CCSER1: variants seen among roughly 807,000 people sequenced by gnomAD.
CCSER1 encodes serine-rich coiled-coil domain-containing protein 1.
A neutral mutation model predicts 82.0 loss-of-function variants in CCSER1; 41 were observed. The ratio of observed to expected loss-of-function variants is 0.50; its 90% confidence interval spans 0.39 to 0.65. The LOEUF (loss-of-function observed/expected upper bound fraction) is 0.65, where lower values mean the gene tolerates loss of function less well. Ranked by LOEUF, CCSER1 falls within the 30% of genes least tolerant of loss-of-function variation. The pLI is 0.00. For missense variants in CCSER1, 1,119 were observed against 1,064.2 expected (o/e 1.05, Z -0.72); for synonymous variants, 414 against 383.9 (o/e 1.08, Z -0.92).
chr4:91,337,421 A>C (rs1474152296), intron 10 of CCSER1, among the ~76,000 whole-genome samples: 2 of 152,130 alleles, frequency 1.3e-5, no homozygotes, highest in Non-Finnish European at 2.9e-5. Flanking sequence ...AGTTAATCTA[A>C]ATTGGAATAC....
intron 5 of CCSER1, among the ~76,000 whole-genome samples, chr4:90,606,303 C>CA (rs1784697614): frequency 6.6e-6 from 1 of 152,100 alleles, no homozygotes; most frequent in Non-Finnish European, 1.5e-5. Flanking sequence ...AGTGTACTTA[C>CA]ACAAACCTAG....
chr4:90,149,816 GA>G (rs1005692783), intron 1 of CCSER1, among the ~76,000 whole-genome samples: 15 of 151,878 alleles, frequency 9.9e-5, no homozygotes, highest in South Asian at 2.1e-4. Context: ...ATTCAGTAAA[GA>G]AAAAAAGAGC....
chr4:91,221,046 T>C (rs796771286), intron 10 of CCSER1, among the ~76,000 whole-genome samples: 69 of 152,290 alleles, frequency 4.5e-4, no homozygotes, highest in Middle Eastern at 6.9e-3. Context: ...GCTACCTTTA[T>C]GATAATTTAG....
chr4:90,845,279 T>C (rs1050990641), intron 8 of CCSER1, among the ~76,000 whole-genome samples: 1 of 146,568 alleles, frequency 6.8e-6, no homozygotes, highest in Non-Finnish European at 1.5e-5. Flanking sequence ...GAAAAATCGC[T>C]AGAACCTGGG....
intron 9 of CCSER1, among the ~76,000 whole-genome samples, chr4:90,983,132 T>G (rs957438909): frequency 1.3e-5 from 2 of 151,780 alleles, no homozygotes; most frequent in African/African-American, 4.8e-5. Flanking sequence ...TCACAACCTT[T>G]TAACAGTTTG....
chr4:91,209,149 C>A (rs1317347692), intron 10 of CCSER1, among the ~76,000 whole-genome samples: 1 of 151,896 alleles, frequency 6.6e-6, no homozygotes, highest in Non-Finnish European at 1.5e-5. Flanking sequence ...AGAATCATGT[C>A]ATCTGCAAAC....
chr4:90,352,055 C>T (rs1021756017), intron 3 of CCSER1, among the ~76,000 whole-genome samples: 2 of 152,134 alleles, frequency 1.3e-5, no homozygotes, highest in African/African-American at 2.4e-5. Context: ...CCGGGCGCAG[C>T]GGCTCACGCC....
chr4:91,534,197 A>G (rs1761181725), intron 10 of CCSER1, among the ~76,000 whole-genome samples: 1 of 151,988 alleles, frequency 6.6e-6, no homozygotes, highest in South Asian at 2.1e-4. Flanking sequence ...GCCTATTTAT[A>G]CCTTTTTCCA....
intron 1 of CCSER1, among the ~76,000 whole-genome samples, chr4:90,156,139 T>G (rs1178035758): frequency 6.6e-6 from 1 of 152,218 alleles, no homozygotes; most frequent in Non-Finnish European, 1.5e-5. Context: ...TACCCAGTAG[T>G]CATTCAGGAG....
intron 8 of CCSER1, chr4:90,838,936 C>A (rs780256546): frequency 2.5e-6 from 4 of 1,613,408 alleles, no homozygotes; most frequent in Non-Finnish European, 3.4e-6. Context: ...CCTGTTCAAT[C>A]GTTTCTTTGG....
chr4:91,066,297 C>T (rs190323913), intron 9 of CCSER1, among the ~76,000 whole-genome samples: 25 of 152,280 alleles, frequency 1.6e-4, no homozygotes, highest in Middle Eastern at 6.8e-3. Context: ...TCAGAAAAAG[C>T]TAATTATCTT....
chr4:90,793,560 A>G (rs895731666), intron 7 of CCSER1, among the ~76,000 whole-genome samples: 8 of 151,514 alleles, frequency 5.3e-5, no homozygotes, highest in Non-Finnish European at 1.2e-4. Context: ...CATTTTTTCT[A>G]TCCAGTCTGC....
intron 10 of CCSER1, among the ~76,000 whole-genome samples, chr4:91,525,331 C>T (rs1760717670): frequency 6.6e-6 from 1 of 151,934 alleles, no homozygotes; most frequent in African/African-American, 2.4e-5. Context: ...ATGTGATTGT[C>T]TGCAATATGA....
intron 9 of CCSER1, among the ~76,000 whole-genome samples, chr4:90,932,926 GAA>G (rs1270142335): frequency 8.3e-5 from 2 of 24,154 alleles, no homozygotes; most frequent in Non-Finnish European, 7.1e-5. Flanking sequence ...AAGAAAGAAA[GAA>G]AGAAAGAAAG....
At position 90,561,602 on chromosome 4, in the gene CCSER1, A is replaced by G. The variant is rs1280683276; in HGVS notation, c.1725-66423A>G. On this transcript the variant is annotated intron_variant, in intron 5 of 10. Coordinates refer to ENST00000509176, the MANE Select transcript of CCSER1 (RefSeq NM_001145065.2). Reference sequence around the variant, plus strand: ...AAGGAGCAATTGATTTTTTTCTCCCATGCGGCTTATTTGTGGCCAAATCCT... The same window carrying G: ...AAGGAGCAATTGATTTTTTTCTCCCGTGCGGCTTATTTGTGGCCAAATCCT... Among the ~76,000 whole-genome samples, 3 of 152,234 alleles carry G rather than the reference A, an allele frequency of 2.0e-5. No individual in the cohort carries two copies. The East Asian group carries it at 5.8e-4, about 29-fold the overall frequency.
intron 10 of CCSER1, among the ~76,000 whole-genome samples, chr4:91,155,904 A>G (rs1483296291): frequency 2.0e-5 from 3 of 151,908 alleles, no homozygotes; most frequent in Middle Eastern, 3.2e-3. Context: ...GTGTTTTATC[A>G]CATCCTTAAA....
intron 10 of CCSER1, among the ~76,000 whole-genome samples, chr4:91,526,331 C>T (rs974986005): frequency 1.3e-5 from 2 of 152,146 alleles, no homozygotes; most frequent in East Asian, 3.9e-4. Flanking sequence ...AAGCTGGAAG[C>T]CCCCTACTTC....
At chr4:90,244,321 T>C (rs1348574988) in intron 1 of CCSER1, among the ~76,000 whole-genome samples, 1 of 152,218 alleles carries the variant, frequency 6.6e-6, no homozygotes, top group Non-Finnish European at 1.5e-5. Flanking sequence ...TTTACCAGTT[T>C]AGAATAAGAA....
chr4:90,811,036 G>A (rs1376280024), intron 7 of CCSER1, among the ~76,000 whole-genome samples: 2 of 151,868 alleles, frequency 1.3e-5, no homozygotes, highest in Non-Finnish European at 2.9e-5. Context: ...GTTTCATTGT[G>A]TTAGCCAGGA....
Sources: gnomAD v4.1 joint callset for allele counts (sites outside exome capture counted in the v4.1 genomes callset) on GRCh38, gnomAD v4.1.1 for gene constraint, MANE v1.5 for transcripts, NCBI Gene and HGNC (gene_info 2026-07-23, HGNC 2026-07-21) for gene names.